Variants in MBD5 observed in about 807,000 individuals in gnomAD.
MBD5 encodes the protein methyl-CpG binding domain protein 5.
In MBD5, 13 loss-of-function variants were observed where a neutral mutation model predicts 117.3. That is an observed-to-expected ratio of 0.11 (90% CI 0.07 to 0.18). The LOEUF (loss-of-function observed/expected upper bound fraction) is 0.18, where lower values mean the gene tolerates loss of function less well. MBD5 is among the 10% of genes least tolerant of loss of function. The probability of loss-of-function intolerance (pLI) is 1.00; values close to 1 mark genes in which losing one functional copy is unlikely to be tolerated. For synonymous variants in MBD5, 727 were observed against 766.4 expected (o/e 0.95, Z 0.85); for missense variants, 1,879 against 2,093.8 (o/e 0.90, Z 2.00).
chr2:148,509,980 T>C lies in MBD5; in HGVS notation c.5037-80T>C, dbSNP rs577788150. 489 of 1,168,094 alleles carry C rather than the reference T, an allele frequency of 4.2e-4. 1 individual carries two copies. Among genetic ancestry groups the C allele is most frequent in the Non-Finnish European group, 5.6e-4 (438 of 785,226 alleles). 72.4% of individuals were successfully genotyped at this position (1,168,094 alleles called of 1,614,324 possible). On this transcript the variant is annotated intron_variant, in intron 12 of 13. Transcript: ENST00000642680. Reference sequence around the variant, plus strand: ...GGCTTTCTCTCGTGGAATTGGTACTTTTGTTTTCTGATTAGGAAATTAAAT... The same window carrying C: ...GGCTTTCTCTCGTGGAATTGGTACTCTTGTTTTCTGATTAGGAAATTAAAT...
At chr2:148,367,651 T>C (rs557377461) in intron 4 of MBD5, among the ~76,000 whole-genome samples, 7 of 151,966 alleles carry the variant, frequency 4.6e-5, no homozygotes, top group African/African-American at 1.4e-4. Flanking sequence ...AACAACCCCA[T>C]CAAAAAATGG....
At position 148,489,557 on chromosome 2, in the gene MBD5, G is replaced by T. The variant is rs973326943; in HGVS notation, c.3925G>T (p.Val1309Phe). Residue 1309 changes from valine (V) to phenylalanine (F), a missense_variant, in exon 11 of 14, where the codon GTT becomes TTT. By Grantham distance (50) the Val-to-Phe change is conservative (BLOSUM62 -1). Coordinates refer to ENST00000642680, the MANE Select transcript of MBD5 (RefSeq NM_001378120.1). Reference protein sequence around the residue: ...SLGQQVKDGLVVGGPGDASVD... With the variant: ...SLGQQVKDGLFVGGPGDASVD... ...TGGTCAACAGGTGAAGGATGGCCTCGTTGTGGGTGGCCCAGGTGATGCTTC... is the reference window on the plus strand; with the variant it reads ...TGGTCAACAGGTGAAGGATGGCCTCTTTGTGGGTGGCCCAGGTGATGCTTC... 1 of 1,614,178 alleles carries T rather than the reference G, an allele frequency of 6.2e-7. No homozygotes were observed. The highest frequency in any genetic ancestry group is 8.5e-7 in the Non-Finnish European group (1 of 1,180,042).
intron 1 of MBD5, among the ~76,000 whole-genome samples, chr2:148,032,541 A>C (rs1694068962): frequency 6.6e-6 from 1 of 152,118 alleles, no homozygotes; most frequent in African/African-American, 2.4e-5. Context: ...CGAATATTAA[A>C]CAAAGGTCAA....
intron 4 of MBD5, among the ~76,000 whole-genome samples, chr2:148,404,364 G>A (rs890856322): frequency 4.6e-5 from 7 of 152,036 alleles, no homozygotes; most frequent in African/African-American, 1.7e-4. Context: ...AATTATTTTA[G>A]TTCTGAGCTC....
In MBD5 at chr2:148,489,591, C is replaced by T. The variant is rs1479424507; in HGVS notation, c.3959C>T (p.Ala1320Val). ...GGCCCAGGTGATGCTTCCGTAGATG[C>T]CATTTACAAAGCAGTTGTCGATGCA... is the stretch of plus-strand genomic sequence containing the variant. ...VGGPGDASVD[A>V]IYKAVVDAAS... Residue 1320 changes from alanine to valine, a missense_variant, in exon 11 of 14, where the codon GCC becomes GTC. Coordinates refer to ENST00000642680, the MANE Select transcript of MBD5 (RefSeq NM_001378120.1). 3 of 1,614,110 alleles carry T rather than the reference C, an allele frequency of 1.9e-6. No individual in the cohort carries two copies. The highest frequency in any genetic ancestry group is 2.5e-6 in the Non-Finnish European group (3 of 1,180,026).
chr2:148,493,403 AT>A (rs1681590646), intron 11 of MBD5, among the ~76,000 whole-genome samples: 1 of 152,220 alleles, frequency 6.6e-6, no homozygotes, highest in Non-Finnish European at 1.5e-5. Flanking sequence ...CATATCATTT[AT>A]TATTTTCAGT....
chr2:148,292,181 T>A (rs1701515069), intron 3 of MBD5, among the ~76,000 whole-genome samples: 1 of 152,124 alleles, frequency 6.6e-6, no homozygotes, highest in African/African-American at 2.4e-5. Flanking sequence ...CAACACCCCA[T>A]GAGCACAGGC....
chr2:148,458,384 C>T lies in MBD5; in HGVS notation c.-375C>T. 1 of 512,746 alleles carries T rather than the reference C, an allele frequency of 2.0e-6. No individual in the cohort carries two copies. Among genetic ancestry groups the T allele is most frequent in the South Asian group, 3.8e-5 (1 of 26,308 alleles). 31.8% of individuals were successfully genotyped at this position (512,746 alleles called of 1,614,324 possible). On this transcript the variant is annotated 5_prime_UTR_variant, in exon 5 of 14. Coordinates refer to ENST00000642680, the MANE Select transcript of MBD5 (RefSeq NM_001378120.1). ...CCAGTTTCTAAACAATAGAGATTGT[C>T]TTAGTACAACATCAAGGTTCAAGAC...
chr2:148,345,841 G>A (rs1356736430), intron 4 of MBD5, among the ~76,000 whole-genome samples: 3 of 151,804 alleles, frequency 2.0e-5, no homozygotes, highest in Admixed American at 6.6e-5. Context: ...TCCAATGTTC[G>A]AGGGCAGGAA....
chr2:148,465,933 G>A (rs183417086), intron 7 of MBD5, among the ~76,000 whole-genome samples: 3 of 151,932 alleles, frequency 2.0e-5, no homozygotes, highest in African/African-American at 4.8e-5. Flanking sequence ...TAAAGACCCT[G>A]GCAGAATCTA....
intron 4 of MBD5, among the ~76,000 whole-genome samples, chr2:148,384,848 A>G (rs9751034): frequency 0.15 from 23,327 of 151,678 alleles, 2,115 homozygotes; most frequent in Non-Finnish European, 0.18. Flanking sequence ...CCTGAGAAAA[A>G]CAAGCAATGG....
intron 4 of MBD5, among the ~76,000 whole-genome samples, chr2:148,412,363 A>T (rs1166897882): frequency 6.6e-6 from 1 of 151,768 alleles, no homozygotes; most frequent in Non-Finnish European, 1.5e-5. Context: ...AGAGACAGAG[A>T]GAGAGAGTGA....
At chr2:148,062,219 A>T (rs1313969949) in intron 1 of MBD5, 1 of 151,722 alleles carries the variant, frequency 6.6e-6, no homozygotes, top group Non-Finnish European at 1.5e-5. Flanking sequence ...ATATACATGT[A>T]TCATTTTAGC....
At chr2:148,186,458 A>G (rs1698660336) in intron 2 of MBD5, among the ~76,000 whole-genome samples, 2 of 152,226 alleles carry the variant, frequency 1.3e-5, no homozygotes, top group Admixed American at 1.3e-4. Context: ...CCTTTCATGT[A>G]ATTTGTCAAC....
intron 1 of MBD5, among the ~76,000 whole-genome samples, chr2:148,046,527 G>A (rs1694538943): frequency 6.6e-6 from 1 of 152,026 alleles, no homozygotes; most frequent in South Asian, 2.1e-4. Context: ...GGATGGTGCT[G>A]TCCCTGTCTA....
At chr2:148,412,272 T>TTTTTTGTGTGTGTGTGTGTG (rs946184910) in intron 4 of MBD5, among the ~76,000 whole-genome samples, 6 of 144,480 alleles carry the variant, frequency 4.2e-5, no homozygotes, top group African/African-American at 1.6e-4. Context: ...AGTATACTTT[T>TTTTTTGTGTGTGTGTGTGTG]TGTGTGTGTG....
At chr2:148,289,174 A>G (rs1204969404) in intron 3 of MBD5, among the ~76,000 whole-genome samples, 2 of 152,220 alleles carry the variant, frequency 1.3e-5, no homozygotes, top group African/African-American at 4.8e-5. Context: ...TCAAGCTGAT[A>G]CAAACTCATT....
chr2:148,396,421 C>A (rs1374908842), intron 4 of MBD5, among the ~76,000 whole-genome samples: 4 of 151,854 alleles, frequency 2.6e-5, no homozygotes, highest in African/African-American at 9.7e-5. Context: ...ATGTTCCACT[C>A]CCTTGATTTC....
intron 1 of MBD5, among the ~76,000 whole-genome samples, chr2:148,120,607 T>C (rs1317466284): frequency 3.3e-5 from 5 of 152,220 alleles, no homozygotes; most frequent in Non-Finnish European, 7.3e-5. Flanking sequence ...TGTTGACATA[T>C]TGTTAACTTT....
Sources: allele counts gnomAD v4.1 joint callset (sites outside exome capture counted in the v4.1 genomes callset), GRCh38; gene constraint gnomAD v4.1.1; transcripts MANE v1.5; gene names NCBI Gene and HGNC (gene_info 2026-07-23, HGNC 2026-07-21).